SPIDR: variants seen among roughly 807,000 people sequenced by gnomAD.
SPIDR encodes the protein DNA repair-scaffolding protein.
SPIDR carries 93 observed loss-of-function variants against 104.6 expected under a neutral mutation model. The ratio of observed to expected loss-of-function variants is 0.89; its 90% CI spans 0.75 to 1.06. SPIDR has a LOEUF of 1.06. Ranked by LOEUF, SPIDR falls within the 50% of genes least tolerant of loss-of-function variation. The pLI is 0.00. For synonymous variants in SPIDR, 431 were observed against 416.9 expected, an observed-to-expected ratio of 1.03 and a Z score of -0.41; for missense variants, 1,154 against 1,111.2, an observed-to-expected ratio of 1.04 and a Z score of -0.55.
At chr8:47,296,007 G>A (rs1471233492) in intron 5 of SPIDR, among the ~76,000 whole-genome samples, 1 of 152,074 alleles carries the variant, frequency 6.6e-6, no homozygotes, top group Non-Finnish European at 1.5e-5. Flanking sequence ...CCTCATTGTG[G>A]CTTTAATCTG....
chr8:47,367,718 GGA>G (rs1462163012), intron 5 of SPIDR, among the ~76,000 whole-genome samples: 1 of 152,194 alleles, frequency 6.6e-6, no homozygotes, highest in African/African-American at 2.4e-5. Context: ...AGCACTTAGT[GGA>G]GTGTGTCCAT....
At chr8:47,286,928 T>G (rs2038953389) in intron 3 of SPIDR, among the ~76,000 whole-genome samples, 1 of 152,214 alleles carries the variant, frequency 6.6e-6, no homozygotes, top group Non-Finnish European at 1.5e-5. Flanking sequence ...TGGTTTTACA[T>G]GTCTCTTAAG....
intron 3 of SPIDR, among the ~76,000 whole-genome samples, chr8:47,287,824 A>G (rs2039153304): frequency 6.6e-6 from 1 of 152,192 alleles, no homozygotes; most frequent in African/African-American, 2.4e-5. Context: ...GTTTAACACG[A>G]TAGTGGTCCT....
chr8:47,300,092 T>G (rs907711280), intron 5 of SPIDR, among the ~76,000 whole-genome samples: 1 of 152,224 alleles, frequency 6.6e-6, no homozygotes, highest in African/African-American at 2.4e-5. Context: ...GGACTTTTTT[T>G]GTTTGGTAAG....
chr8:47,381,382 G>T (rs568026783), intron 5 of SPIDR, among the ~76,000 whole-genome samples: 4 of 152,300 alleles, frequency 2.6e-5, no homozygotes, highest in East Asian at 1.9e-4. Context: ...ACTTGCCATG[G>T]TGTATCTTCT....
Position 47,415,884 on chromosome 8 carries a change from C to T in SPIDR, c.877+7923C>T, listed in dbSNP as rs1329628611. On this transcript the variant is annotated intron_variant, in intron 7 of 19. Coordinates refer to ENST00000297423, the MANE Select transcript of SPIDR (RefSeq NM_001080394.4). Reference sequence around the variant, plus strand: ...TCACCCCAAGGATTCTCATGCCACCCTTTATAGCCACAGTCATCTCTTTCC... The same window carrying T: ...TCACCCCAAGGATTCTCATGCCACCTTTTATAGCCACAGTCATCTCTTTCC... Among the ~76,000 whole-genome samples the T allele has an allele frequency of 3.3e-5, 5 of 152,322 alleles. No individual in the cohort carries two copies. The East Asian group carries it at 9.6e-4, about 29-fold the overall frequency.
chr8:47,669,459 G>A, intron 10 of SPIDR, among the ~76,000 whole-genome samples: 1 of 152,180 alleles, frequency 6.6e-6, no homozygotes, highest in African/African-American at 2.4e-5. Flanking sequence ...GCAAAACAGA[G>A]TGGGAGAGCA....
intron 8 of SPIDR, among the ~76,000 whole-genome samples, chr8:47,567,648 T>C (rs764242003): frequency 6.6e-6 from 1 of 152,146 alleles, no homozygotes; most frequent in Non-Finnish European, 1.5e-5. Context: ...GAGGTTAGTA[T>C]GGTAGGAAGG....
chr8:47,278,960 C>A (rs1013958767), intron 1 of SPIDR, among the ~76,000 whole-genome samples: 5 of 151,960 alleles, frequency 3.3e-5, no homozygotes, highest in African/African-American at 1.2e-4. Flanking sequence ...GCAGTCAGCT[C>A]ACTGCAGCCT....
intron 6 of SPIDR, among the ~76,000 whole-genome samples, chr8:47,401,801 G>T (rs1354229016): frequency 3.3e-5 from 5 of 152,172 alleles, no homozygotes; most frequent in African/African-American, 1.2e-4. Context: ...AAATATATGT[G>T]CACACAATAC....
At chr8:47,401,777 G>A (rs868985766) in intron 6 of SPIDR, among the ~76,000 whole-genome samples, 1 of 152,302 alleles carries the variant, frequency 6.6e-6, no homozygotes, top group African/African-American at 2.4e-5. Context: ...TCAACAAGAA[G>A]AGCTAACTAT....
intron 8 of SPIDR, among the ~76,000 whole-genome samples, chr8:47,462,989 G>A (rs2074192486): frequency 6.6e-6 from 1 of 152,132 alleles, no homozygotes; most frequent in Non-Finnish European, 1.5e-5. Flanking sequence ...CAAAAACAGT[G>A]TGCAAGAACT....
intron 5 of SPIDR, among the ~76,000 whole-genome samples, chr8:47,373,229 A>C (rs2058252749): frequency 6.6e-6 from 1 of 152,220 alleles, no homozygotes; most frequent in African/African-American, 2.4e-5. Context: ...CACATTTGTT[A>C]AAAATTCCAT....
At position 47,712,585 on chromosome 8, in the gene SPIDR, T is replaced by G. The variant is rs1459869781; in HGVS notation, c.1978-77T>G. On this transcript the variant is annotated intron_variant, in intron 14 of 19. Transcript: ENST00000297423. ...TAATATCTTAAATTGTTAGTATATG[T>G]ATAACTTCTGCTTTTAAATGCTTTT... 1.2e-5 allele frequency: 17 copies of G among 1,420,178 alleles called. No individual in the cohort carries two copies. In the Admixed American group the frequency reaches 3.2e-4, roughly 27 times the overall value. 88.0% of individuals were successfully genotyped at this position (1,420,178 alleles called of 1,614,324 possible).
intron 8 of SPIDR, among the ~76,000 whole-genome samples, chr8:47,582,464 A>G (rs576974939): frequency 6.6e-6 from 1 of 152,314 alleles, no homozygotes; most frequent in African/African-American, 2.4e-5. Context: ...ATAGTGATAG[A>G]AAATGAAAAG....
At chr8:47,333,932 T>C (rs2049230198) in intron 5 of SPIDR, among the ~76,000 whole-genome samples, 1 of 152,346 alleles carries the variant, frequency 6.6e-6, no homozygotes, top group African/African-American at 2.4e-5. Context: ...TATAAATTTC[T>C]CCTCTAAGCA....
chr8:47,307,226 TTTC>T (rs782463888), intron 5 of SPIDR, among the ~76,000 whole-genome samples: 19 of 151,964 alleles, frequency 1.3e-4, no homozygotes, highest in Non-Finnish European at 2.6e-4. Context: ...TTCTTCTTTC[TTTC>T]TTCTTTTTTT....
chr8:47,625,410 T>G (rs1038096112), intron 10 of SPIDR, among the ~76,000 whole-genome samples: 12 of 152,126 alleles, frequency 7.9e-5, no homozygotes, highest in Non-Finnish European at 1.6e-4. Context: ...GAGAAGGAAA[T>G]AAAGGGTATT....
At chr8:47,525,576 G>A (rs533568078) in intron 8 of SPIDR, among the ~76,000 whole-genome samples, 15 of 143,926 alleles carry the variant, frequency 1.0e-4, no homozygotes, top group Non-Finnish European at 1.6e-4. Flanking sequence ...CAGGGTGGGC[G>A]GATCACCTGA....
Sources: gnomAD v4.1 joint callset for allele counts (sites outside exome capture counted in the v4.1 genomes callset) on GRCh38, gnomAD v4.1.1 for gene constraint, MANE v1.5 for transcripts, NCBI Gene and HGNC (gene_info 2026-07-23, HGNC 2026-07-21) for gene names.